Variants in COL4A4 observed in about 807,000 individuals in gnomAD.
COL4A4 encodes collagen type IV alpha 4 chain.
In COL4A4, 105 loss-of-function variants were observed where a neutral mutation model predicts 192.9. The ratio of observed to expected loss-of-function variants is 0.54; its 90% CI spans 0.46 to 0.64. The LOEUF is 0.64. COL4A4 is among the 30% of genes least tolerant of loss of function. The probability of loss-of-function intolerance (pLI) is 0.00; values close to 1 mark genes in which losing one functional copy is unlikely to be tolerated. For missense variants in COL4A4, 1,967 were observed against 2,169.3 expected (o/e 0.91, Z 1.85); for synonymous variants, 762 against 769.9 (o/e 0.99, Z 0.17).
Position 227,032,233 on chromosome 2 carries a change from C to T in COL4A4, c.3621G>A (p.Gly1207=). 6.2e-7 allele frequency: 1 copy of T among 1,614,008 alleles called. No homozygotes were observed. The highest frequency in any genetic ancestry group is 2.2e-5 in the East Asian group (1 of 44,864). ...CAGGGTCTCCTCTCTCCCCTTTTAG[C>T]CCAGGTATTCCCACTGGACCAGGTG... ...VGPPGPVGIP[G]LKGERGDPGS... Residue 1207 remains glycine, a synonymous_variant, in exon 39 of 48, where the codon GGG becomes GGA. Coordinates refer to ENST00000396625, the MANE Select transcript of COL4A4 (RefSeq NM_000092.5).
chr2:227,122,163 C>T (rs1432826589), intron 4 of COL4A4, among the ~76,000 whole-genome samples: 1 of 152,308 alleles, frequency 6.6e-6, no homozygotes, highest in East Asian at 1.9e-4. Context: ...GGGCCCTGCC[C>T]CATCTCCCTT....
chr2:227,053,954 T>C (rs1974750593), intron 31 of COL4A4, among the ~76,000 whole-genome samples: 2 of 152,112 alleles, frequency 1.3e-5, no homozygotes, highest in Admixed American at 1.3e-4. Flanking sequence ...ATGGGCCAAA[T>C]CCTTCCTGCT....
intron 29 of COL4A4, among the ~76,000 whole-genome samples, chr2:227,056,968 G>C (rs1387961411): frequency 1.3e-5 from 2 of 152,150 alleles, no homozygotes; most frequent in Non-Finnish European, 2.9e-5. Context: ...AGTGCGAATG[G>C]ACTAAGGCAG....
the COL4A4 span, among the ~76,000 whole-genome samples, chr2:226,977,818 T>C: frequency 2.0e-5 from 3 of 152,242 alleles, no homozygotes; most frequent in South Asian, 6.2e-4. Context: ...AAGTCTTGTC[T>C]TTGGAATGTA....
the COL4A4 span, among the ~76,000 whole-genome samples, chr2:226,982,510 T>A: frequency 6.6e-6 from 1 of 152,242 alleles, no homozygotes; most frequent in Non-Finnish European, 1.5e-5. Flanking sequence ...CATCAATAGA[T>A]GTAATACATC....
At chr2:227,062,224 G>A (rs1977271315) in intron 26 of COL4A4, among the ~76,000 whole-genome samples, 1 of 125,720 alleles carries the variant, frequency 8.0e-6, no homozygotes, top group South Asian at 3.0e-4. Context: ...GAGACAAAGT[G>A]AGACTCCGTC....
chr2:227,116,103 T>G (rs1207891366), intron 7 of COL4A4, among the ~76,000 whole-genome samples: 1 of 152,200 alleles, frequency 6.6e-6, no homozygotes, highest in Non-Finnish European at 1.5e-5. Context: ...CAGTCTCAAA[T>G]CCATCTCCTG....
rs56034237 is a variant in COL4A4 at position 227,093,828 on chromosome 2, C to A, written c.1369+297G>T. The stretch of plus-strand genomic sequence containing the variant: ...CAGTGGGCAAAATAAACCCACCGGG[C>A]AGTCACAAACCAAGCCCATATATAA... On this transcript the variant is annotated intron_variant, in intron 20 of 47. Coordinates refer to ENST00000396625, the MANE Select transcript of COL4A4 (RefSeq NM_000092.5). 0.06 allele frequency among the ~76,000 whole-genome samples: 9,059 copies of A among 152,164 alleles called. 487 individuals carry two copies. The highest frequency in any genetic ancestry group is 0.13 in the African/African-American group (5,472 of 41,486).
chr2:227,100,319 T>C (rs2060435889), intron 17 of COL4A4, among the ~76,000 whole-genome samples: 1 of 151,958 alleles, frequency 6.6e-6, no homozygotes, highest in Admixed American at 6.6e-5. Flanking sequence ...GGATCACTTC[T>C]CAAATGTAGA....
chr2:227,119,905 T>A lies in COL4A4; in HGVS notation c.362A>T (p.Asp121Val). The A allele has an allele frequency of 4.4e-6, 7 of 1,588,202 alleles. No individual in the cohort carries two copies. Among genetic ancestry groups the A allele is most frequent in the Non-Finnish European group, 6.0e-6 (7 of 1,166,132 alleles). The change falls in exon 6 of 48, where the codon GAT becomes GTT. Residue 121 changes from aspartate (D) to valine (V), a missense_variant. Coordinates refer to ENST00000396625, the MANE Select transcript of COL4A4 (RefSeq NM_000092.5). ...TTTAGGGATACTTACAGGTATGCCA[T>A]CTAAACCTGGAAATCCAGGAACACC... is the stretch of plus-strand genomic sequence containing the variant. Reference protein sequence around the residue: ...PTGVPGFPGLDGIPGHPGPPG... With the variant: ...PTGVPGFPGLVGIPGHPGPPG...
intron 12 of COL4A4, among the ~76,000 whole-genome samples, chr2:227,107,624 C>A (rs2060927342): frequency 6.6e-6 from 1 of 152,166 alleles, no homozygotes; most frequent in African/African-American, 2.4e-5. Flanking sequence ...AATCCCCACA[C>A]CCAGTGTCAG....
intron 25 of COL4A4, among the ~76,000 whole-genome samples, chr2:227,073,259 A>C (rs1025839603): frequency 2.6e-5 from 4 of 151,984 alleles, no homozygotes; most frequent in Admixed American, 2.0e-4. Flanking sequence ...ACAACAATCA[A>C]GTTGAGAATC....
intron 1 of COL4A4, among the ~76,000 whole-genome samples, chr2:227,158,661 A>G (rs940741357): frequency 1.3e-5 from 2 of 152,078 alleles, no homozygotes; most frequent in African/African-American, 4.8e-5. Context: ...AAGCGGAAAA[A>G]AGATTTGAAT....
At chr2:227,148,274 G>C (rs910965005) in intron 1 of COL4A4, among the ~76,000 whole-genome samples, 7 of 152,196 alleles carry the variant, frequency 4.6e-5, no homozygotes, top group African/African-American at 1.7e-4. Context: ...GTGGGTGAAT[G>C]AATAAGGAAA....
rs906788833 is a variant in COL4A4 at position 227,097,769 on chromosome 2, C to T, written c.1204+925G>A. ...TTTTCCACCTTTGTGGTTATTGAAT[C>T]CTGCAAACTGAAAGCTAGATTCATG... On this transcript the variant is annotated intron_variant, in intron 19 of 47. Coordinates refer to ENST00000396625, the MANE Select transcript of COL4A4 (RefSeq NM_000092.5). Among the ~76,000 whole-genome samples the T allele has an allele frequency of 2.6e-5, 4 of 152,132 alleles. No individual in the cohort carries two copies. The South Asian group carries it at 8.3e-4, about 32-fold the overall frequency.
At chr2:227,094,907 AT>A (rs1310293596) in intron 19 of COL4A4, among the ~76,000 whole-genome samples, 11 of 152,224 alleles carry the variant, frequency 7.2e-5, no homozygotes, top group African/African-American at 1.2e-4. Flanking sequence ...TAGAAAAAAA[AT>A]AAGTGATGTA....
chr2:227,137,265 G>T (rs559340947), intron 4 of COL4A4, among the ~76,000 whole-genome samples: 117 of 152,280 alleles, frequency 7.7e-4, no homozygotes, highest in African/African-American at 2.6e-3. Context: ...AAGGACCAAT[G>T]GGGGTACGTG....
At chr2:227,054,791 T>C in intron 30 of COL4A4, 54 bp from the exon 31 acceptor site, 7 of 1,542,672 alleles carry the variant, frequency 4.5e-6, no homozygotes, top group Non-Finnish European at 6.1e-6. Flanking sequence ...GTTATTTATT[T>C]TTTCAGGGGT....
chr2:227,042,822 G>A (rs1971726896), intron 36 of COL4A4, among the ~76,000 whole-genome samples: 2 of 152,188 alleles, frequency 1.3e-5, no homozygotes, highest in Admixed American at 1.3e-4. Flanking sequence ...GTTGCTATCT[G>A]TCTGACCATT....
Sources: gnomAD v4.1 joint callset for allele counts (sites outside exome capture counted in the v4.1 genomes callset) on GRCh38, gnomAD v4.1.1 for gene constraint, MANE v1.5 for transcripts, NCBI Gene and HGNC (gene_info 2026-07-23, HGNC 2026-07-21) for gene names.